Variants in C3orf49 observed in about 807,000 individuals in gnomAD.
The protein encoded by C3orf49 is chromosome 3 open reading frame 49, also known as putative uncharacterized protein C3orf49.
Under a neutral mutation model 13.3 loss-of-function variants are expected in C3orf49, and 27 were observed. The observed-to-expected ratio is 2.02, with a 90% CI of 1.49 to 2.79. The LOEUF is 2.79. Among genes scored for constraint, C3orf49 ranks in the 30% most tolerant of loss-of-function variants. The pLI is 0.00. For missense variants in C3orf49, 242 were observed against 134.2 expected (o/e 1.80, Z -3.97); for synonymous variants, 87 against 47.6 (o/e 1.83, Z -3.40).
At chr3:63,817,401 A>T (rs1474788944), upstream of C3orf49, among the ~76,000 whole-genome samples, 6 of 152,110 alleles carry the variant, frequency 3.9e-5, no homozygotes, top group Admixed American at 1.3e-4. Flanking sequence ...TATGTTGTTC[A>T]CTGCAGTATC....
chr3:63,814,677 G>A (rs929260626), upstream of C3orf49, among the ~76,000 whole-genome samples: 6 of 152,208 alleles, frequency 3.9e-5, no homozygotes, highest in East Asian at 1.2e-3. Flanking sequence ...CCTGTGAAGG[G>A]TGGTTGATAA....
the C3orf49 span, among the ~76,000 whole-genome samples, chr3:63,796,420 C>T: frequency 5.3e-5 from 8 of 152,180 alleles, no homozygotes; most frequent in Admixed American, 1.3e-4. Context: ...TTAAAAGAAC[C>T]CACAAAATCT....
the C3orf49 span, among the ~76,000 whole-genome samples, chr3:63,786,841 A>C: frequency 6.6e-6 from 1 of 152,194 alleles, no homozygotes; most frequent in African/African-American, 2.4e-5. Flanking sequence ...GTCACTTTAC[A>C]TCATGTCTCT....
At chr3:63,784,697 A>G in the C3orf49 span, 1 of 152,112 alleles carries the variant, frequency 6.6e-6, no homozygotes, top group Non-Finnish European at 1.5e-5. Flanking sequence ...TCTCTACTAA[A>G]AATACAAAAA....
the C3orf49 span, among the ~76,000 whole-genome samples, chr3:63,792,766 A>G: frequency 1.3e-5 from 2 of 152,230 alleles, no homozygotes; most frequent in African/African-American, 2.4e-5. Context: ...TTCCCTTGCT[A>G]TGTAAATTGG....
chr3:63,804,623 G>C, the C3orf49 span, among the ~76,000 whole-genome samples: 1 of 152,076 alleles, frequency 6.6e-6, no homozygotes, highest in African/African-American at 2.4e-5. Context: ...GTCCCCTTTA[G>C]GGACTCCCAC....
intron 3 of C3orf49, among the ~76,000 whole-genome samples, chr3:63,830,256 G>C (rs1232531284): frequency 6.6e-6 from 1 of 152,198 alleles, no homozygotes; most frequent in Non-Finnish European, 1.5e-5. Flanking sequence ...AAGTATGCTA[G>C]TATGCTAGTT....
the C3orf49 span, among the ~76,000 whole-genome samples, chr3:63,789,252 T>C: frequency 6.6e-6 from 1 of 152,176 alleles, no homozygotes; most frequent in African/African-American, 2.4e-5. Flanking sequence ...CCTGATGATA[T>C]GAGGTGGAAC....
intron 5 of C3orf49, among the ~76,000 whole-genome samples, chr3:63,842,199 C>G (rs745318533): frequency 6.6e-6 from 1 of 152,070 alleles, no homozygotes; most frequent in African/African-American, 2.4e-5. Context: ...AAATGGCCAA[C>G]AGGTATATGA....
chr3:63,793,120 T>A, the C3orf49 span, among the ~76,000 whole-genome samples: 1 of 152,138 alleles, frequency 6.6e-6, no homozygotes, highest in African/African-American at 2.4e-5. Context: ...AAAGAGCTCT[T>A]TCTGTTCCCA....
intron 5 of C3orf49, among the ~76,000 whole-genome samples, chr3:63,841,942 C>T (rs749558842): frequency 5.9e-5 from 9 of 151,966 alleles, no homozygotes; most frequent in Non-Finnish European, 1.2e-4. Context: ...ATTTTTTTTG[C>T]TACATGCCTG....
chr3:63,816,929 C>T (rs949124191), upstream of C3orf49, among the ~76,000 whole-genome samples: 2 of 151,788 alleles, frequency 1.3e-5, no homozygotes, highest in Non-Finnish European at 2.9e-5. Context: ...CCCGTTACCA[C>T]GCCCGGCTAA....
At chr3:63,780,224 A>C in the C3orf49 span, among the ~76,000 whole-genome samples, 1 of 152,074 alleles carries the variant, frequency 6.6e-6, no homozygotes, top group East Asian at 1.9e-4. Flanking sequence ...CCCACCTATG[A>C]GTGAGAACAT....
chr3:63,803,802 A>G, the C3orf49 span, among the ~76,000 whole-genome samples: 1 of 152,160 alleles, frequency 6.6e-6, no homozygotes, highest in Admixed American at 6.5e-5. Flanking sequence ...TGGTTTCGTG[A>G]TAATTCAAGA....
chr3:63,835,123 A>T (rs761311658), intron 5 of C3orf49: 1 of 1,605,540 alleles, frequency 6.2e-7, no homozygotes, highest in East Asian at 2.2e-5. Context: ...AAATCTTCAT[A>T]AGCATTTACT....
chr3:63,834,183 T>G, intron 5 of C3orf49: 3 of 1,614,082 alleles, frequency 1.9e-6, no homozygotes, highest in Non-Finnish European at 1.7e-6. Flanking sequence ...CTTCTACCTC[T>G]GAGAGTTTTT....
upstream of C3orf49, among the ~76,000 whole-genome samples, chr3:63,816,919 C>T (rs755934266): frequency 6.6e-6 from 1 of 151,678 alleles, no homozygotes; most frequent in Non-Finnish European, 1.5e-5. Context: ...ACTACAGGCA[C>T]CCGTTACCAC....
At chr3:63,846,310 T>C (rs376521436) in intron 6 of C3orf49, 36 of 386,972 alleles carry the variant, frequency 9.3e-5, no homozygotes, top group Middle Eastern at 3.7e-4. Flanking sequence ...TGGACAAAAA[T>C]GGACTTCAGG....
chr3:63,829,511 A>C (rs1375025644), intron 3 of C3orf49, among the ~76,000 whole-genome samples: 2 of 152,202 alleles, frequency 1.3e-5, no homozygotes, highest in African/African-American at 2.4e-5. Context: ...CAGGATAGAG[A>C]AACACTTCTT....
Sources: allele counts gnomAD v4.1 joint callset (sites outside exome capture counted in the v4.1 genomes callset), GRCh38; gene constraint gnomAD v4.1.1; transcripts MANE v1.5; gene names NCBI Gene and HGNC (gene_info 2026-07-23, HGNC 2026-07-21).